The following GRIP1 variants were observed in gnomAD, a reference collection of about 807,000 sequenced individuals.
GRIP1 encodes glutamate receptor interacting protein 1.
Under a neutral mutation model 129.9 loss-of-function variants are expected in GRIP1, and 45 were observed. The observed-to-expected ratio is 0.35, with a 90% CI of 0.27 to 0.44. GRIP1 has a LOEUF of 0.44. Among genes scored for constraint, GRIP1 ranks in the 20% least tolerant of loss-of-function variants. The pLI, the probability that GRIP1 is intolerant of heterozygous loss-of-function variation, is 1.00. For synonymous variants in GRIP1, 530 were observed against 520.8 expected (o/e 1.02, Z -0.24); for missense variants, 1,196 against 1,396.8 (o/e 0.86, Z 2.29).
chr12:66,760,216 A>G (rs1362689033), intron 1 of GRIP1, among the ~76,000 whole-genome samples: 1 of 151,538 alleles, frequency 6.6e-6, no homozygotes, highest in East Asian at 2.0e-4. Flanking sequence ...ACTTTCCCAC[A>G]TTTTCCTGTC....
At chr12:66,583,310 G>T (rs2063479234) in intron 2 of GRIP1, among the ~76,000 whole-genome samples, 1 of 150,396 alleles carries the variant, frequency 6.6e-6, no homozygotes, top group Admixed American at 6.7e-5. Context: ...AACCCTAGAA[G>T]AAAACCTAGG....
chr12:66,882,361 C>T (rs2040494091), intron 1 of GRIP1, among the ~76,000 whole-genome samples: 1 of 152,230 alleles, frequency 6.6e-6, no homozygotes, highest in South Asian at 2.1e-4. Context: ...CCAAGATCAC[C>T]AGAGAAAAAC....
intron 1 of GRIP1, among the ~76,000 whole-genome samples, chr12:66,888,666 A>G (rs1447676752): frequency 2.6e-5 from 4 of 152,178 alleles, no homozygotes; most frequent in African/African-American, 9.6e-5. Context: ...CCCTGCCAGA[A>G]CTGACATTTT....
At chr12:67,064,822 T>C (rs144119772) in intron 1 of GRIP1, among the ~76,000 whole-genome samples, 1,597 of 151,910 alleles carry the variant, frequency 0.011, 23 homozygotes, top group African/African-American at 0.037. Context: ...TACATATGTA[T>C]ACATGTGACA....
intron 1 of GRIP1, among the ~76,000 whole-genome samples, chr12:67,006,779 A>T (rs955787437): frequency 1.3e-5 from 2 of 152,150 alleles, no homozygotes; most frequent in East Asian, 3.9e-4. Context: ...TTGTTTGATC[A>T]TGGTGTGTGT....
At position 66,463,015 on chromosome 12, in the gene GRIP1, T is replaced by C; in HGVS notation, c.951A>G (p.Ala317=). 6.2e-7 allele frequency: 1 copy of C among 1,613,984 alleles called. No homozygotes were observed. Among genetic ancestry groups the C allele is most frequent in the Admixed American group, 1.7e-5 (1 of 60,012 alleles). The change falls in exon 9 of 25, where the codon GCA becomes GCG. Residue 317 remains alanine, a synonymous_variant. Transcript: ENST00000359742. ...CAGTGGTGTTGGCCAGGAACTGGGT[T>C]GCTTCTGCAAGTGTACAGTACTCCA... ...TSMEYCTLAE[A]TQFLANTTDQ... is the part of the protein sequence containing the mutation.
At chr12:66,383,866 G>C (rs908931674) in intron 19 of GRIP1, among the ~76,000 whole-genome samples, 8 of 152,156 alleles carry the variant, frequency 5.3e-5, no homozygotes, top group African/African-American at 1.9e-4. Flanking sequence ...CAATGACGTA[G>C]CTAAGGGGAC....
Position 66,965,724 on chromosome 12 carries a change from C to G in GRIP1, c.58+103326G>C, listed in dbSNP as rs528641198. On this transcript the variant is annotated intron_variant, in intron 1 of 1. Coordinates refer to the GRIP1 transcript ENST00000643019. ...TATTTTCTCTTTTCATTATGGATGC[C>G]CTTTACACATCTCCTCACCTCCTAA... Among the ~76,000 whole-genome samples, 179 of 152,066 alleles carry G rather than the reference C, an allele frequency of 1.2e-3. 2 individuals are homozygous for G. The highest frequency in any genetic ancestry group is 4.2e-3 in the African/African-American group (174 of 41,488).
intron 1 of GRIP1, among the ~76,000 whole-genome samples, chr12:66,723,292 CTTTCTTTCTTTCTTTTTTTTTTTTTT>C (rs2036140732): frequency 9.5e-4 from 27 of 28,300 alleles, no homozygotes; most frequent in Middle Eastern, 0.017. Flanking sequence ...TCCTTTCTTT[CTTTCTTTCTTTCTTTTTTTTTTTTTT>C]TTTTTTTTTT....
chr12:66,687,336 A>C (rs1261682314), intron 1 of GRIP1, among the ~76,000 whole-genome samples: 1 of 152,200 alleles, frequency 6.6e-6, no homozygotes, highest in Non-Finnish European at 1.5e-5. Context: ...AAATATCACT[A>C]ACTGTAATAA....
intron 1 of GRIP1, among the ~76,000 whole-genome samples, chr12:66,905,098 G>C (rs1340636818): frequency 6.6e-6 from 1 of 152,150 alleles, no homozygotes; most frequent in Non-Finnish European, 1.5e-5. Flanking sequence ...ACCTCACAAA[G>C]TAGATAGCAT....
chr12:66,959,876 C>T (rs930394815), intron 1 of GRIP1, among the ~76,000 whole-genome samples: 5 of 151,940 alleles, frequency 3.3e-5, no homozygotes, highest in Non-Finnish European at 7.4e-5. Context: ...AAATATGAAA[C>T]CGATGTCACC....
chr12:66,506,349 A>C (rs56243809), intron 7 of GRIP1, among the ~76,000 whole-genome samples: 74,917 of 152,044 alleles, frequency 0.49, 19,023 homozygotes, highest in African/African-American at 0.63. Context: ...GAATACTATA[A>C]AACAATGAAA....
At chr12:66,832,364 G>A (rs1441860557) in intron 1 of GRIP1, among the ~76,000 whole-genome samples, 3 of 152,096 alleles carry the variant, frequency 2.0e-5, no homozygotes, top group Admixed American at 6.5e-5. Flanking sequence ...TGCTATCTAC[G>A]ACCCTCCTAT....
chr12:67,025,328 G>A (rs945508736), intron 1 of GRIP1, among the ~76,000 whole-genome samples: 3 of 152,014 alleles, frequency 2.0e-5, no homozygotes, highest in African/African-American at 7.3e-5. Flanking sequence ...GTGACAGAGC[G>A]AGACTCTGTC....
At chr12:66,911,886 T>G (rs1014685549) in intron 1 of GRIP1, among the ~76,000 whole-genome samples, 1 of 152,212 alleles carries the variant, frequency 6.6e-6, no homozygotes, top group Non-Finnish European at 1.5e-5. Flanking sequence ...TGCCATCAAT[T>G]CCTGGCACCA....
At chr12:66,899,210 A>G (rs886627040) in intron 1 of GRIP1, among the ~76,000 whole-genome samples, 8 of 152,086 alleles carry the variant, frequency 5.3e-5, no homozygotes, top group African/African-American at 1.9e-4. Context: ...AAGTTGCAGG[A>G]AGGCAAGTAA....
chr12:66,724,837 T>A (rs1237782310), intron 1 of GRIP1, among the ~76,000 whole-genome samples: 2 of 152,192 alleles, frequency 1.3e-5, no homozygotes, highest in Non-Finnish European at 2.9e-5. Flanking sequence ...GCTAACCCGA[T>A]GTCAGACATG....
chr12:66,737,735 T>C (rs772041846), intron 1 of GRIP1, among the ~76,000 whole-genome samples: 31 of 152,156 alleles, frequency 2.0e-4, no homozygotes, highest in Non-Finnish European at 3.8e-4. Flanking sequence ...TACTCTTTTA[T>C]TTTGCCCATT....
Sources: allele counts gnomAD v4.1 joint callset (sites outside exome capture counted in the v4.1 genomes callset), GRCh38; gene constraint gnomAD v4.1.1; transcripts MANE v1.5; gene names NCBI Gene and HGNC (gene_info 2026-07-23, HGNC 2026-07-21).